PPIL3: variants seen among roughly 807,000 people sequenced by gnomAD.
PPIL3 encodes peptidyl-prolyl cis-trans isomerase-like 3.
In PPIL3, 13 loss-of-function variants were observed where a neutral mutation model predicts 20.9. The observed-to-expected ratio is 0.62, with a 90% CI of 0.40 to 0.99. The LOEUF is 0.99. Ranked by LOEUF, PPIL3 falls within the 50% of genes least tolerant of loss-of-function variation. The pLI is 0.00. For synonymous variants in PPIL3, 71 were observed against 64.4 expected, an observed-to-expected ratio of 1.10 and a Z score of -0.49; for missense variants, 170 against 195.2, an observed-to-expected ratio of 0.87 and a Z score of 0.77.
At position 200,876,967 on chromosome 2, in the gene PPIL3, G is replaced by A; in HGVS notation, c.311C>T (p.Thr104Ile). The A allele has an allele frequency of 1.2e-6, 2 of 1,613,796 alleles. No individual in the cohort carries two copies. The highest frequency in any genetic ancestry group is 2.2e-5 in the South Asian group (2 of 91,074). Residue 104 changes from threonine (T) to isoleucine (I), a missense_variant, in exon 6 of 7, where the codon ACC becomes ATC. Transcript: ENST00000392283. ...PNTNGSQFFI[T>I]YGKQPHLDMK... ...GTCCAAATGTGGCTGTTTGCCATAG[G>A]TGATGAAGAACTGAGATCCATTGGT...
chr2:200,881,728 G>T, intron 4 of PPIL3: 2 of 454,046 alleles, frequency 4.4e-6, no homozygotes, highest in Non-Finnish European at 7.8e-6. Flanking sequence ...AGTATGAAAA[G>T]CTTCACAAAT....
At chr2:200,876,147 T>C (rs1323326922) in intron 6 of PPIL3, among the ~76,000 whole-genome samples, 1 of 151,548 alleles carries the variant, frequency 6.6e-6, no homozygotes, top group Non-Finnish European at 1.5e-5. Flanking sequence ...TTTTTTGTTT[T>C]TTTTTTTTTT....
chr2:200,887,342 A>C (rs1277986793), intron 2 of PPIL3, among the ~76,000 whole-genome samples: 2 of 145,928 alleles, frequency 1.4e-5, no homozygotes, highest in Non-Finnish European at 3.0e-5. Context: ...CCGAGATTAC[A>C]CCACTGCACT....
intron 2 of PPIL3, among the ~76,000 whole-genome samples, chr2:200,886,024 T>C (rs564406185): frequency 1.3e-5 from 2 of 152,264 alleles, no homozygotes; most frequent in East Asian, 1.9e-4. Context: ...TGACAAAAAT[T>C]TGGAAGTAAA....
chr2:200,876,151 T>TG (rs1188758482), intron 6 of PPIL3, among the ~76,000 whole-genome samples: 2 of 151,496 alleles, frequency 1.3e-5, no homozygotes, highest in Non-Finnish European at 2.9e-5. Context: ...TTGTTTTTTT[T>TG]TTTTTTAAAG....
At chr2:200,880,027 T>C (rs1316124499) in intron 5 of PPIL3, among the ~76,000 whole-genome samples, 1 of 152,174 alleles carries the variant, frequency 6.6e-6, no homozygotes, top group Non-Finnish European at 1.5e-5. Context: ...TACATTTCCT[T>C]ACAATAGAAA....
rs762141559 is a variant in PPIL3 at position 200,877,006 on chromosome 2, T to C, written c.272A>G (p.Asn91Ser). The C allele has an allele frequency of 1.1e-5, 18 of 1,613,274 alleles. No individual in the cohort carries two copies. The highest frequency in any genetic ancestry group is 1.7e-5 in the Admixed American group (1 of 60,004). The change falls in exon 6 of 7, where the codon AAT becomes AGT. Residue 91 changes from asparagine (N) to serine (S), a missense_variant. By Grantham distance (46) the Asn-to-Ser change is conservative. Coordinates refer to ENST00000392283, the MANE Select transcript of PPIL3 (RefSeq NM_130906.3). ...AGATCCATTGGTGTTCGGGCCATTA[T>C]TAGCCATAGATACAACACCTCTAAC... ...HNVRGVVSMA[N>S]NGPNTNGSQF... is the part of the protein sequence containing the mutation.
At chr2:200,888,834 G>T (rs561178137) in intron 1 of PPIL3, 122 bp downstream of exon 1, 17 of 445,290 alleles carry the variant, frequency 3.8e-5, no homozygotes, top group African/African-American at 3.2e-4. Context: ...CTCTGACGTT[G>T]CAACAACAGC....
chr2:200,874,075 G>T, intron 6 of PPIL3, among the ~76,000 whole-genome samples: 1 of 151,440 alleles, frequency 6.6e-6, no homozygotes, highest in Non-Finnish European at 1.5e-5. Context: ...CGCGGTGGCG[G>T]GCGCCTGTAG....
At chr2:200,878,348 A>G (rs1409111381) in intron 5 of PPIL3, among the ~76,000 whole-genome samples, 1 of 151,990 alleles carries the variant, frequency 6.6e-6, no homozygotes, top group Non-Finnish European at 1.5e-5. Flanking sequence ...AGCCTCTACA[A>G]GAGGTAACCA....
intron 5 of PPIL3, among the ~76,000 whole-genome samples, chr2:200,879,734 G>A (rs181286373): frequency 2.9e-3 from 446 of 152,262 alleles, no homozygotes; most frequent in Non-Finnish European, 4.7e-3. Context: ...TTGAGAGGCT[G>A]AGGCAGGAGA....
intron 2 of PPIL3, chr2:200,886,986 G>C (rs540981604): frequency 6.6e-6 from 1 of 152,210 alleles, no homozygotes; most frequent in Non-Finnish European, 1.5e-5. Context: ...TTTAGATCTA[G>C]AGCAAAATAA....
chr2:200,884,029 G>A (rs1236809277), intron 3 of PPIL3, among the ~76,000 whole-genome samples: 1 of 152,154 alleles, frequency 6.6e-6, no homozygotes, highest in East Asian at 1.9e-4. Context: ...TGGAATTATA[G>A]ATGTGAGCCA....
intron 3 of PPIL3, among the ~76,000 whole-genome samples, chr2:200,882,646 A>T (rs1225997620): frequency 6.6e-6 from 1 of 152,190 alleles, no homozygotes; most frequent in Non-Finnish European, 1.5e-5. Flanking sequence ...ATGGTGGCTA[A>T]CGCCGGTAAT....
chr2:200,880,798 T>C (rs894984390), intron 5 of PPIL3, among the ~76,000 whole-genome samples: 2 of 152,028 alleles, frequency 1.3e-5, no homozygotes, highest in African/African-American at 4.8e-5. Context: ...GGATTGATTT[T>C]TAAAACTAGG....
chr2:200,873,042 T>C (rs2039372706), intron 6 of PPIL3, among the ~76,000 whole-genome samples: 1 of 152,086 alleles, frequency 6.6e-6, no homozygotes. Context: ...TGGCTAATTT[T>C]TGTATTTTTA....
chr2:200,874,917 C>T (rs569191512), intron 6 of PPIL3, among the ~76,000 whole-genome samples: 8 of 152,194 alleles, frequency 5.3e-5, no homozygotes, highest in African/African-American at 1.4e-4. Context: ...TTTGTAGAGA[C>T]GGGGTTTCAC....
At position 200,887,522 on chromosome 2, in the gene PPIL3, T is replaced by C. The variant is rs1024761986; in HGVS notation, c.3+91A>G. ...TTATACAATTTCTCCATCTTGCCAC[T>C]GCAATTTCCATGAACTTTTATTGCC... On this transcript the variant is annotated intron_variant, in intron 2 of 6. Coordinates refer to ENST00000392283, the MANE Select transcript of PPIL3 (RefSeq NM_130906.3). The C allele has an allele frequency of 1.8e-5, 17 of 937,840 alleles. No homozygotes were observed. The Admixed American group carries it at 2.1e-4, about 12-fold the overall frequency. 58.1% of individuals were successfully genotyped at this position (937,840 alleles called of 1,614,324 possible). A position where few individuals can be genotyped will look rare whatever the true frequency, so the allele number is the denominator to read the frequency against.
At chr2:200,876,489 C>A (rs2039520675) in intron 6 of PPIL3, among the ~76,000 whole-genome samples, 1 of 151,582 alleles carries the variant, frequency 6.6e-6, no homozygotes, top group Non-Finnish European at 1.5e-5. Context: ...AGCTCTCACA[C>A]CACTCTTCTT....
Sources: gnomAD v4.1 joint callset for allele counts (sites outside exome capture counted in the v4.1 genomes callset) on GRCh38, gnomAD v4.1.1 for gene constraint, MANE v1.5 for transcripts, NCBI Gene and HGNC (gene_info 2026-07-23, HGNC 2026-07-21) for gene names.